The following ADGRV1 variants were observed in gnomAD, a reference collection of about 807,000 sequenced individuals.
ADGRV1 encodes the protein G-protein coupled receptor 98.
Under a neutral mutation model 596.2 loss-of-function variants are expected in ADGRV1, and 359 were observed. The ratio of observed to expected loss-of-function variants is 0.60; its 90% CI spans 0.55 to 0.66. The LOEUF is 0.66. ADGRV1 is among the 30% of genes least tolerant of loss of function. ADGRV1 has a pLI of 0.00. For synonymous variants in ADGRV1, 2,681 were observed against 2,679.2 expected, an observed-to-expected ratio of 1.00 and a Z score of -0.02; for missense variants, 7,274 against 7,575.6, an observed-to-expected ratio of 0.96 and a Z score of 1.48.
intron 29 of ADGRV1, among the ~76,000 whole-genome samples, chr5:90,688,331 T>C (rs920418842): frequency 6.6e-6 from 1 of 152,190 alleles, no homozygotes; most frequent in Non-Finnish European, 1.5e-5. Context: ...CTGGGAAAAC[T>C]GGCTAGCCAT....
intron 50 of ADGRV1, among the ~76,000 whole-genome samples, chr5:90,736,766 G>A (rs1013549910): frequency 6.6e-6 from 1 of 151,652 alleles, no homozygotes; most frequent in African/African-American, 2.4e-5. Flanking sequence ...AACTGTGGTA[G>A]TTTCTCTTGA....
At chr5:90,960,648 G>C (rs1175931265) in intron 83 of ADGRV1, among the ~76,000 whole-genome samples, 2 of 152,138 alleles carry the variant, frequency 1.3e-5, no homozygotes, top group African/African-American at 4.8e-5. Context: ...GGAAAGTCTA[G>C]GAATCTGCCG....
intron 87 of ADGRV1, among the ~76,000 whole-genome samples, chr5:91,113,542 AAG>A (rs1792567557): frequency 6.6e-6 from 1 of 151,164 alleles, no homozygotes; most frequent in Non-Finnish European, 1.5e-5. Flanking sequence ...TACCTCCTCT[AAG>A]AGAGTCAGTT....
intron 82 of ADGRV1, among the ~76,000 whole-genome samples, chr5:90,858,773 C>T (rs1767271730): frequency 6.6e-6 from 1 of 152,160 alleles, no homozygotes; most frequent in Non-Finnish European, 1.5e-5. Context: ...TTGTCAGCAG[C>T]CCAGGCTCTT....
At chr5:91,111,168 G>A (rs562356426) in intron 87 of ADGRV1, among the ~76,000 whole-genome samples, 1 of 152,188 alleles carries the variant, frequency 6.6e-6, no homozygotes, top group South Asian at 2.1e-4. Flanking sequence ...TCACTAGAGT[G>A]TCTTAAACAC....
At chr5:91,110,600 A>AC (rs2126690276) in intron 87 of ADGRV1, among the ~76,000 whole-genome samples, 1 of 152,272 alleles carries the variant, frequency 6.6e-6, no homozygotes, top group East Asian at 1.9e-4. Flanking sequence ...TCTCACACTT[A>AC]CTGTGTTAGA....
chr5:90,705,437 A>G lies in ADGRV1; in HGVS notation c.8424A>G (p.Gln2808=). ...PPAGIALLDA[Q]GYAAVLTVEA... Reference sequence around the variant, plus strand: ...CCGGAATCGCCCTGCTTGATGCTCAAGGATATGCAGCTGTCCTCACAGTAG... The same window carrying G: ...CCGGAATCGCCCTGCTTGATGCTCAGGGATATGCAGCTGTCCTCACAGTAG... The change falls in exon 37 of 90, where the codon CAA becomes CAG. Residue 2808 remains glutamine (Q), a synonymous_variant. Coordinates refer to ENST00000405460, the MANE Select transcript of ADGRV1 (RefSeq NM_032119.4). 3.7e-6 allele frequency: 6 copies of G among 1,613,930 alleles called. No individual in the cohort carries two copies. The highest frequency in any genetic ancestry group is 4.2e-6 in the Non-Finnish European group (5 of 1,179,830).
Position 91,164,135 on chromosome 5 carries a change from AG to A in ADGRV1, c.*237del. ...CAGTTAATAGGATGTTCATATTCCA[AG>A]GATATTAGTTGTTTTTTTAATCATC... On this transcript the variant is annotated 3_prime_UTR_variant, in exon 90 of 90. Coordinates refer to ENST00000405460, the MANE Select transcript of ADGRV1 (RefSeq NM_032119.4). 1.7e-6 allele frequency: 1 copy of A among 589,022 alleles called. No homozygotes were observed. Among genetic ancestry groups the A allele is most frequent in the East Asian group, 3.2e-5 (1 of 30,884 alleles). 36.5% of individuals were successfully genotyped at this position (589,022 alleles called of 1,614,324 possible).
chr5:90,948,317 G>GT (rs1486204770), intron 83 of ADGRV1, among the ~76,000 whole-genome samples: 3 of 152,042 alleles, frequency 2.0e-5, no homozygotes, highest in African/African-American at 7.2e-5. Context: ...ATACCAAGCA[G>GT]TGCGAGTAGG....
intron 71 of ADGRV1, among the ~76,000 whole-genome samples, chr5:90,804,604 C>T (rs112927741): frequency 2.0e-5 from 3 of 152,066 alleles, no homozygotes; most frequent in African/African-American, 7.2e-5. Context: ...TAAATGGTAT[C>T]CCAAATTTAT....
In ADGRV1 at chr5:90,824,830, T is replaced by G. The variant is rs1763936566; in HGVS notation, c.16368+1234T>G. ...TAAAGTTGCTGTTTCCAAGAACCTG[T>G]CATGGTTAAGTGAAGACTTACTGTA... On this transcript the variant is annotated intron_variant, in intron 76 of 89. Coordinates refer to ENST00000405460, the MANE Select transcript of ADGRV1 (RefSeq NM_032119.4). 3.9e-5 allele frequency among the ~76,000 whole-genome samples: 6 copies of G among 152,232 alleles called. No homozygotes were observed. The South Asian group carries it at 1.0e-3, about 26-fold the overall frequency.
At position 90,658,168 on chromosome 5, in the gene ADGRV1, G is replaced by C. The variant is rs770764800; in HGVS notation, c.4642G>C (p.Val1548Leu). ...EELFILKLVSVYGGARISEEN... is the reference protein window; with the variant it reads ...EELFILKLVSLYGGARISEEN... ...ATTATTCATTCTTAAACTAGTTTCT[G>C]TATATGGAGGAGCTCGTATTTCGGA... The change falls in exon 21 of 90, where the codon GTA (valine) becomes CTA (leucine). Residue 1548 changes from valine to leucine, a missense_variant. Val to Leu is a conservative substitution (Grantham distance 32). Coordinates refer to ENST00000405460, the MANE Select transcript of ADGRV1 (RefSeq NM_032119.4). 1 of 1,599,738 alleles carries C rather than the reference G, an allele frequency of 6.3e-7. No homozygotes were observed.
chr5:90,762,295 A>G (rs1283691344), intron 58 of ADGRV1, among the ~76,000 whole-genome samples: 1 of 152,168 alleles, frequency 6.6e-6, no homozygotes, highest in Non-Finnish European at 1.5e-5. Flanking sequence ...ATCTCCAGAT[A>G]TATGTATATA....
At chr5:90,809,222 C>T (rs972378072) in intron 73 of ADGRV1, among the ~76,000 whole-genome samples, 6 of 149,210 alleles carry the variant, frequency 4.0e-5, no homozygotes, top group African/African-American at 1.5e-4. Flanking sequence ...TCCCAAAGTG[C>T]TGGGATTACA....
chr5:91,144,031 C>T (rs947300753), intron 87 of ADGRV1, among the ~76,000 whole-genome samples: 1 of 152,110 alleles, frequency 6.6e-6, no homozygotes, highest in African/African-American at 2.4e-5. Flanking sequence ...GGAGCAGGCA[C>T]TGGGAGTGTG....
intron 88 of ADGRV1, among the ~76,000 whole-genome samples, chr5:91,152,363 T>A (rs1394022593): frequency 6.6e-6 from 1 of 152,210 alleles, no homozygotes; most frequent in Non-Finnish European, 1.5e-5. Flanking sequence ...ATTTAGTATA[T>A]CCTTATAGAT....
chr5:90,955,959 A>G (rs1441458422), intron 83 of ADGRV1, among the ~76,000 whole-genome samples: 2 of 152,210 alleles, frequency 1.3e-5, no homozygotes, highest in Non-Finnish European at 2.9e-5. Flanking sequence ...CAGAGAAAGT[A>G]TAAACTTTGG....
chr5:91,105,122 G>A (rs1166876534), intron 87 of ADGRV1, among the ~76,000 whole-genome samples: 1 of 151,982 alleles, frequency 6.6e-6, no homozygotes, highest in Non-Finnish European at 1.5e-5. Flanking sequence ...ACTCATCTTG[G>A]CCTCCCAAAG....
intron 1 of ADGRV1, among the ~76,000 whole-genome samples, chr5:90,581,378 C>T (rs915375273): frequency 1.3e-5 from 2 of 152,158 alleles, no homozygotes; most frequent in Admixed American, 1.3e-4. Flanking sequence ...CTGATTTCTC[C>T]CCATCTTTGT....
Sources: gnomAD v4.1 joint callset for allele counts (sites outside exome capture counted in the v4.1 genomes callset) on GRCh38, gnomAD v4.1.1 for gene constraint, MANE v1.5 for transcripts, NCBI Gene and HGNC (gene_info 2026-07-23, HGNC 2026-07-21) for gene names.